The following PIK3R5 variants were observed in gnomAD, a reference collection of about 807,000 sequenced individuals.
PIK3R5 encodes phosphoinositide-3-kinase regulatory subunit 5, also known as phosphoinositide 3-kinase regulatory subunit 5.
Under a neutral mutation model 94.9 loss-of-function variants are expected in PIK3R5, and 32 were observed. The observed-to-expected ratio is 0.34, with a 90% confidence interval of 0.25 to 0.45. The LOEUF (loss-of-function observed/expected upper bound fraction) is 0.45. Ranked by LOEUF, PIK3R5 falls within the 20% of genes least tolerant of loss-of-function variation. The probability of loss-of-function intolerance (pLI) is 1.00; values close to 1 mark genes in which losing one functional copy is unlikely to be tolerated. For missense variants in PIK3R5, 853 were observed against 1,144.6 expected (o/e 0.75, Z 3.68); for synonymous variants, 443 against 479.4 (o/e 0.92, Z 0.99).
At chr17:8,887,383 C>T in intron 11 of PIK3R5, 138 bp downstream of exon 11, 1 of 1,319,574 alleles carries the variant, frequency 7.6e-7, no homozygotes, top group South Asian at 1.4e-5. Flanking sequence ...ATGTCATGTC[C>T]AAGTGCAGGG....
At chr17:8,930,589 T>C (rs539551249) in intron 1 of PIK3R5, among the ~76,000 whole-genome samples, 7 of 152,334 alleles carry the variant, frequency 4.6e-5, no homozygotes, top group African/African-American at 1.4e-4. Flanking sequence ...AACAGCTTTG[T>C]TCAAAATGGC....
chr17:8,886,372 C>T (rs771940941), intron 13 of PIK3R5, 50 bp from the exon 14 acceptor site: 3 of 1,592,156 alleles, frequency 1.9e-6, no homozygotes, highest in East Asian at 4.5e-5. Context: ...TGGAGGGGCC[C>T]ATTTGGCTCC....
chr17:8,895,194 T>C (rs1415659398), intron 5 of PIK3R5, among the ~76,000 whole-genome samples: 5 of 152,184 alleles, frequency 3.3e-5, no homozygotes, highest in Non-Finnish European at 7.3e-5. Flanking sequence ...CATAATACCA[T>C]AGCTACCATA....
In PIK3R5 at chr17:8,925,168, G is replaced by T. The variant is rs1247040053; in HGVS notation, c.-13-13661C>A. On this transcript the variant is annotated intron_variant, in intron 1 of 18. Coordinates refer to ENST00000447110, the MANE Select transcript of PIK3R5 (RefSeq NM_001142633.3). The surrounding 1 kb of genome is among the most constrained non-coding windows in gnomAD (Gnocchi z 5.1). ...TGAATAGATAGCTAGATAGTAGATG[G>T]ATAGATGGGTAGATAGATAGACAGA... Among the ~76,000 whole-genome samples the T allele has an allele frequency of 1.3e-5, 2 of 151,064 alleles. No homozygotes were observed. Among genetic ancestry groups the T allele is most frequent in the African/African-American group, 2.4e-5 (1 of 41,260 alleles).
In PIK3R5 at chr17:8,886,458, C is replaced by A. The variant is rs4791766; in HGVS notation, c.2034+19G>T. The A allele has an allele frequency of 6.3e-7, 1 of 1,596,214 alleles. No homozygotes were observed. Among genetic ancestry groups the A allele is most frequent in the Non-Finnish European group, 8.5e-7 (1 of 1,170,056 alleles). ...CCCGGCAGGTGGGGAAGAGGCGGTT[C>A]GGGGCAGGGAGGCCTTACCTCGGTC... On this transcript the variant is annotated intron_variant, in intron 13 of 18. Coordinates refer to ENST00000447110, the MANE Select transcript of PIK3R5 (RefSeq NM_001142633.3).
intron 1 of PIK3R5, among the ~76,000 whole-genome samples, chr17:8,948,971 AG>A (rs372113878): frequency 2.3e-4 from 35 of 152,250 alleles, no homozygotes; most frequent in African/African-American, 8.2e-4. Flanking sequence ...CTATTAGCAA[AG>A]CTTCTCCAAA....
chr17:8,883,967 A>G (rs942147083), intron 15 of PIK3R5, among the ~76,000 whole-genome samples: 1 of 151,884 alleles, frequency 6.6e-6, no homozygotes, highest in Non-Finnish European at 1.5e-5. Context: ...CAGCCCCAAC[A>G]CCACCGTCCA....
chr17:8,954,120 T>A (rs1160815278), intron 1 of PIK3R5, among the ~76,000 whole-genome samples: 3 of 152,172 alleles, frequency 2.0e-5, no homozygotes, highest in Non-Finnish European at 4.4e-5. Flanking sequence ...CCTTGCTTAC[T>A]CTGACCCAAG....
In PIK3R5 at chr17:8,884,604, C is replaced by T. The variant is rs752663742; in HGVS notation, c.2205+103G>A. On this transcript the variant is annotated intron_variant, in intron 15 of 18. Coordinates refer to ENST00000447110, the MANE Select transcript of PIK3R5 (RefSeq NM_001142633.3). The surrounding 1 kb of genome is among the most constrained non-coding windows in gnomAD (Gnocchi z 5.8). ...CTGCTGCAGCCTTCCAGCGTAAAGA[C>T]TGGGGCCCAGGAACACACGAGTCCA... The T allele has an allele frequency of 1.1e-6, 1 of 884,180 alleles. No homozygotes were observed. Among genetic ancestry groups the T allele is most frequent in the Non-Finnish European group, 1.8e-6 (1 of 543,636 alleles). The allele number at this position is 884,180 out of a possible 1,614,324, so 54.8% of individuals were successfully genotyped here. A position where few individuals can be genotyped will look rare whatever the true frequency, so the allele number is the denominator to read the frequency against.
At chr17:8,887,740 C>T in intron 10 of PIK3R5, 57 bp from the exon 11 acceptor site, 1 of 1,515,312 alleles carries the variant, frequency 6.6e-7, no homozygotes. Context: ...CGCCTGTAAT[C>T]CCAGCACTTT....
chr17:8,901,138 G>C (rs61759595), intron 5 of PIK3R5, among the ~76,000 whole-genome samples: 96 of 152,270 alleles, frequency 6.3e-4, no homozygotes, highest in African/African-American at 2.3e-3. Flanking sequence ...AGGGAGTGTG[G>C]GAGGGAATGA....
At chr17:8,918,302 C>T (rs765011500) in intron 1 of PIK3R5, among the ~76,000 whole-genome samples, 1 of 152,094 alleles carries the variant, frequency 6.6e-6, no homozygotes, top group African/African-American at 2.4e-5. Flanking sequence ...CAAAATAAAC[C>T]CAGCACATCT....
intron 1 of PIK3R5, among the ~76,000 whole-genome samples, chr17:8,952,838 A>T (rs901575966): frequency 1.3e-5 from 2 of 152,100 alleles, no homozygotes; most frequent in African/African-American, 4.8e-5. Flanking sequence ...CAGGAAAGGT[A>T]GGGGGAGGAG....
intron 1 of PIK3R5, among the ~76,000 whole-genome samples, chr17:8,940,466 G>A (rs1352518464): frequency 6.6e-6 from 1 of 152,190 alleles, no homozygotes; most frequent in Non-Finnish European, 1.5e-5. Flanking sequence ...CCAGCAAACA[G>A]CAGCCTTGTA....
chr17:8,918,257 A>G (rs1387512195), intron 1 of PIK3R5, among the ~76,000 whole-genome samples: 3 of 152,176 alleles, frequency 2.0e-5, no homozygotes, highest in African/African-American at 7.2e-5. Context: ...CTCCTTGGAG[A>G]CATGGCTGAT....
In PIK3R5 at chr17:8,909,436, C is replaced by T. The variant is rs561548065; in HGVS notation, c.104-262G>A. Among the ~76,000 whole-genome samples the T allele has an allele frequency of 5.3e-5, 8 of 152,222 alleles. No individual in the cohort carries two copies. The highest frequency in any genetic ancestry group is 1.2e-4 in the Non-Finnish European group (8 of 67,996). ...TCCCAAGTAGCTGGGATTACAGGCA[C>T]GTGCCACCGCACCCAGCTAATTTTT... On this transcript the variant is annotated intron_variant, in intron 2 of 18. Coordinates refer to ENST00000447110, the MANE Select transcript of PIK3R5 (RefSeq NM_001142633.3). This position sits in a 1 kb window ranked among gnomAD's most constrained non-coding sequence, Gnocchi z 4.3.
rs959031687 is a variant in PIK3R5, at chr17:8,949,017, G to A, written c.-14+16579C>T. ...CCCGAGATAACATTTCAGGAAGGAGGAGCTGCCCTGGGTGAGATTCAGGCA... is the reference window on the plus strand; with the variant it reads ...CCCGAGATAACATTTCAGGAAGGAGAAGCTGCCCTGGGTGAGATTCAGGCA... On this transcript the variant is annotated intron_variant, in intron 1 of 18. Transcript: ENST00000447110. Among the ~76,000 whole-genome samples, 3 of 152,156 alleles carry A rather than the reference G, an allele frequency of 2.0e-5. 1 individual carries two copies. Among genetic ancestry groups the A allele is most frequent in the Admixed American group, 2.0e-4 (3 of 15,270 alleles).
In PIK3R5 at chr17:8,884,673, C is replaced by G. The variant is rs775142359; in HGVS notation, c.2205+34G>C. ...GGCGGAGGAAGTATCAGCAGCAGAT[C>G]CTGGAGGGGAAGGAGCCCCAGCACG... On this transcript the variant is annotated intron_variant, in intron 15 of 18. Transcript: ENST00000447110. The surrounding 1 kb of genome is among the most constrained non-coding windows in gnomAD (Gnocchi z 5.8). 9.1e-6 allele frequency: 14 copies of G among 1,537,658 alleles called. No homozygotes were observed. In the Middle Eastern group the frequency reaches 6.8e-4, roughly 74 times the overall value.
intron 1 of PIK3R5, among the ~76,000 whole-genome samples, chr17:8,941,062 A>T (rs962444963): frequency 6.6e-6 from 1 of 152,234 alleles, no homozygotes; most frequent in Non-Finnish European, 1.5e-5. Context: ...TTCTGATCAC[A>T]GCCACAGCAT....
Sources: gnomAD v4.1 joint callset for allele counts (sites outside exome capture counted in the v4.1 genomes callset) on GRCh38, gnomAD v4.1.1 for gene constraint, Gnocchi (gnomAD v3.1) non-coding constraint, MANE v1.5 for transcripts, NCBI Gene and HGNC (gene_info 2026-07-23, HGNC 2026-07-21) for gene names.